SORT1: variants seen among roughly 807,000 people sequenced by gnomAD.
SORT1 encodes the protein sortilin.
In SORT1, 39 loss-of-function variants were observed where a neutral mutation model predicts 101.7. The observed-to-expected ratio is 0.38, with a 90% CI of 0.30 to 0.50. The LOEUF (loss-of-function observed/expected upper bound fraction) is 0.50, where lower values mean the gene tolerates loss of function less well. Ranked by LOEUF, SORT1 falls within the 20% of genes least tolerant of loss-of-function variation. The pLI is 0.90. For synonymous variants in SORT1, 396 were observed against 393.7 expected (o/e 1.01, Z -0.07); for missense variants, 878 against 1,040.4 (o/e 0.84, Z 2.15).
intron 3 of SORT1, among the ~76,000 whole-genome samples, chr1:109,358,189 T>C (rs1168459822): frequency 1.2e-4 from 18 of 152,100 alleles, no homozygotes; most frequent in Non-Finnish European, 5.9e-5. Flanking sequence ...ATGGAGAAAA[T>C]GAACTAGTAT....
At chr1:109,330,147 C>A (rs911363679) in intron 11 of SORT1, among the ~76,000 whole-genome samples, 3 of 152,128 alleles carry the variant, frequency 2.0e-5, no homozygotes, top group African/African-American at 7.2e-5. Context: ...ATTAAAGGCA[C>A]CCGCTGCCAC....
chr1:109,321,211 G>GT, intron 15 of SORT1, among the ~76,000 whole-genome samples: 1 of 152,254 alleles, frequency 6.6e-6, no homozygotes, highest in Admixed American at 6.5e-5. Context: ...CCTATAAATA[G>GT]TAATTAAAAT....
chr1:109,385,041 G>A (rs551692556), intron 1 of SORT1, among the ~76,000 whole-genome samples: 5 of 152,120 alleles, frequency 3.3e-5, no homozygotes, highest in South Asian at 2.1e-4. Flanking sequence ...TCACAACACT[G>A]CACTCCAGCC....
At position 109,369,598 on chromosome 1, in the gene SORT1, G is replaced by A; in HGVS notation, c.307-9C>T. 1 of 1,594,308 alleles carries A rather than the reference G, an allele frequency of 6.3e-7. No individual in the cohort carries two copies. Among genetic ancestry groups the A allele is most frequent in the African/African-American group, 1.4e-5 (1 of 73,944 alleles). On this transcript the variant is annotated splice_polypyrimidine_tract_variant and intron_variant, in intron 1 of 19. Transcript: ENST00000256637. ...AGATCATCAAACACATGCTATAAGG[G>A]GAAAAAAAATTAATTTAGAAATGAC...
chr1:109,354,451 C>T lies in SORT1; in HGVS notation c.624G>A (p.Val208=), dbSNP rs1457033326. ...FRSSDFAKNF[V]QTDLPFHPLT... ...GAGGATGAAAAGGGAGATCTGTTTG[C>T]ACAAAATTCTTCGCAAAATCTGATG... The change falls in exon 5 of 20, where the codon GTG becomes GTA. Residue 208 remains valine (V), a synonymous_variant. Transcript: ENST00000256637. The T allele has an allele frequency of 6.2e-7, 1 of 1,613,334 alleles. No individual in the cohort carries two copies. The highest frequency in any genetic ancestry group is 1.3e-5 in the African/African-American group (1 of 75,030).
chr1:109,340,721 C>G lies in SORT1; in HGVS notation c.1264+3G>C, dbSNP rs1649158711. On this transcript the variant is annotated splice_donor_region_variant and intron_variant, in intron 10 of 19. Coordinates refer to ENST00000256637, the MANE Select transcript of SORT1 (RefSeq NM_002959.7). ...AGTACACCACTGCGATGCCGAGACT[C>G]ACCTTCGGAGAGCACGCTTGTTATG... The G allele has an allele frequency of 6.2e-7, 1 of 1,613,946 alleles. No homozygotes were observed. Among genetic ancestry groups the G allele is most frequent in the Non-Finnish European group, 8.5e-7 (1 of 1,179,984 alleles).
At chr1:109,357,772 T>TAC (rs947373765) in intron 3 of SORT1, among the ~76,000 whole-genome samples, 2 of 152,074 alleles carry the variant, frequency 1.3e-5, no homozygotes, top group Non-Finnish European at 2.9e-5. Flanking sequence ...CTTAAGTACA[T>TAC]ACACACACAC....
intron 10 of SORT1, 52 bp downstream of exon 10, chr1:109,340,672 C>A (rs1310906776): frequency 1.3e-6 from 2 of 1,596,404 alleles, no homozygotes; most frequent in African/African-American, 1.3e-5. Flanking sequence ...AGCCTCAAAT[C>A]CTACCACATG....
intron 14 of SORT1, among the ~76,000 whole-genome samples, chr1:109,323,562 A>G (rs1181742590): frequency 6.6e-6 from 1 of 152,252 alleles, no homozygotes; most frequent in African/African-American, 2.4e-5. Flanking sequence ...CACAGGTTCA[A>G]TTTCACCATG....
At chr1:109,314,812 A>G in intron 17 of SORT1, 34 bp from the exon 18 acceptor site, 1 of 1,227,906 alleles carries the variant, frequency 8.1e-7, no homozygotes. Flanking sequence ...CAAAAGTTTT[A>G]GGCATGCATA....
intron 1 of SORT1, among the ~76,000 whole-genome samples, chr1:109,388,449 C>T (rs1652715574): frequency 6.6e-6 from 1 of 152,080 alleles, no homozygotes; most frequent in African/African-American, 2.4e-5. Context: ...CTATGTTGCC[C>T]AGGCTGGTTT....
intron 13 of SORT1, 142 bp from the exon 14 acceptor site, chr1:109,325,231 CTT>C (rs35552184): frequency 0.097 from 18,324 of 188,940 alleles, 3 homozygotes; most frequent in East Asian, 0.16. Context: ...ATTATTTTAA[CTT>C]TTTTTTTTTT....
At chr1:109,345,402 T>C (rs1269247551) in intron 8 of SORT1, among the ~76,000 whole-genome samples, 1 of 152,026 alleles carries the variant, frequency 6.6e-6, no homozygotes, top group African/African-American at 2.4e-5. Context: ...ATAGTCCCAC[T>C]TACTTGGGAG....
At chr1:109,340,590 G>C in intron 10 of SORT1, 134 bp downstream of exon 10, 2 of 867,704 alleles carry the variant, frequency 2.3e-6, no homozygotes, top group East Asian at 5.4e-5. Context: ...AAAAAAAAAA[G>C]GAAACAAAAA....
At chr1:109,359,160 GT>G (rs1650545864) in intron 3 of SORT1, among the ~76,000 whole-genome samples, 1 of 152,084 alleles carries the variant, frequency 6.6e-6, no homozygotes, top group South Asian at 2.1e-4. Flanking sequence ...GTGCTGTCTG[GT>G]GAGGGTCTGC....
intron 8 of SORT1, among the ~76,000 whole-genome samples, chr1:109,345,394 A>G (rs1649512496): frequency 6.6e-6 from 1 of 152,116 alleles, no homozygotes; most frequent in Non-Finnish European, 1.5e-5. Context: ...GCACACCTAT[A>G]GTCCCACTTA....
intron 15 of SORT1, among the ~76,000 whole-genome samples, chr1:109,320,595 A>T (rs1160356283): frequency 6.6e-6 from 1 of 152,216 alleles, no homozygotes; most frequent in East Asian, 1.9e-4. Context: ...CCATTTGTCA[A>T]CGCTCAGCTC....
intron 10 of SORT1, among the ~76,000 whole-genome samples, chr1:109,340,047 G>T (rs1649104976): frequency 6.6e-6 from 1 of 151,486 alleles, no homozygotes. Flanking sequence ...TACTCAGGAG[G>T]CTGAGGCAGG....
rs1030307408 is a variant in SORT1 at position 109,314,022 on chromosome 1, G to A, written c.*21C>T. Reference sequence around the variant, plus strand: ...GTACTGTGGTTCCACCATCCATGCTGGGTCCAGCTCCTCTGAAGAGCTATT... The same window carrying A: ...GTACTGTGGTTCCACCATCCATGCTAGGTCCAGCTCCTCTGAAGAGCTATT... On this transcript the variant is annotated 3_prime_UTR_variant, in exon 20 of 20. Transcript: ENST00000256637. 1.3e-5 allele frequency: 21 copies of A among 1,613,018 alleles called. No homozygotes were observed. Among genetic ancestry groups the A allele is most frequent in the Non-Finnish European group, 1.8e-5 (21 of 1,179,028 alleles).
Sources: allele counts gnomAD v4.1 joint callset (sites outside exome capture counted in the v4.1 genomes callset), GRCh38; gene constraint gnomAD v4.1.1; transcripts MANE v1.5; gene names NCBI Gene and HGNC (gene_info 2026-07-23, HGNC 2026-07-21).